The following ZFHX3 variants were observed in gnomAD, a reference collection of about 807,000 sequenced individuals.
The protein encoded by ZFHX3 is zinc finger homeobox 3.
ZFHX3 carries 42 observed loss-of-function variants against 279.1 expected under a neutral mutation model. The ratio of observed to expected loss-of-function variants is 0.15; its 90% CI spans 0.12 to 0.19. The LOEUF (loss-of-function observed/expected upper bound fraction) is 0.19, where lower values mean the gene tolerates loss of function less well. Ranked by LOEUF, ZFHX3 falls within the 10% of genes least tolerant of loss-of-function variation. ZFHX3 has a pLI of 1.00. For missense variants in ZFHX3, 4,981 were observed against 4,754.0 expected, an observed-to-expected ratio of 1.05 and a Z score of -1.40; for synonymous variants, 2,293 against 1,957.8, an observed-to-expected ratio of 1.17 and a Z score of -4.52.
At chr16:73,385,661 G>A (rs542113766) in intron 3 of ZFHX3, among the ~76,000 whole-genome samples, 1 of 152,312 alleles carries the variant, frequency 6.6e-6, no homozygotes, top group East Asian at 1.9e-4. Flanking sequence ...TACAGCAAAT[G>A]CAGGCTTTAT....
intron 1 of ZFHX3, among the ~76,000 whole-genome samples, chr16:73,830,270 C>T (rs532168136): frequency 1.3e-4 from 18 of 143,794 alleles, no homozygotes; most frequent in African/African-American, 2.9e-4. Flanking sequence ...GGCTCGCGCA[C>T]GGTGCGCACA....
At position 73,031,445 on chromosome 16, in the gene ZFHX3, G is replaced by A. The variant is rs536283555; in HGVS notation, c.-50+16307C>T. 1.5e-4 allele frequency among the ~76,000 whole-genome samples: 23 copies of A among 152,298 alleles called. No homozygotes were observed. The South Asian group carries it at 4.4e-3, about 29-fold the overall frequency. ...TTTGGAGCATTCCAGGTATCAGGAG[G>A]CCAAAGGGAAAAGCGATTTTCCTTG... On this transcript the variant is annotated intron_variant, in intron 1 of 9. Coordinates refer to ENST00000268489, the MANE Select transcript of ZFHX3 (RefSeq NM_006885.4).
intron 1 of ZFHX3, among the ~76,000 whole-genome samples, chr16:73,709,912 T>A (rs918208009): frequency 6.6e-6 from 1 of 152,216 alleles, no homozygotes; most frequent in Non-Finnish European, 1.5e-5. Context: ...CCGGGCGTGG[T>A]GGCTCATGCC....
chr16:73,306,187 A>G (rs1319616492), intron 4 of ZFHX3, among the ~76,000 whole-genome samples: 2 of 152,188 alleles, frequency 1.3e-5, no homozygotes, highest in African/African-American at 4.8e-5. Context: ...CTCCAAACCC[A>G]AGAGAACCCA....
intron 3 of ZFHX3, among the ~76,000 whole-genome samples, chr16:72,908,357 G>A (rs1485816595): frequency 6.6e-6 from 1 of 152,248 alleles, no homozygotes; most frequent in Non-Finnish European, 1.5e-5. Context: ...TGAGGCTTGA[G>A]TGAGAAAATC....
intron 4 of ZFHX3, among the ~76,000 whole-genome samples, chr16:73,306,941 C>T (rs2015196448): frequency 6.6e-6 from 1 of 152,186 alleles, no homozygotes; most frequent in African/African-American, 2.4e-5. Context: ...AAATGAAAAC[C>T]TTCACTGATC....
chr16:73,116,245 T>C (rs900021513), intron 7 of ZFHX3, among the ~76,000 whole-genome samples: 1 of 152,070 alleles, frequency 6.6e-6, no homozygotes, highest in Non-Finnish European at 1.5e-5. Context: ...ATCCACGTAC[T>C]CCAGAGCCGG....
chr16:73,169,310 G>A (rs1488445181), intron 5 of ZFHX3, among the ~76,000 whole-genome samples: 1 of 152,174 alleles, frequency 6.6e-6, no homozygotes, highest in Non-Finnish European at 1.5e-5. Context: ...TACATTTCAA[G>A]CAGAGCTAAC....
intron 1 of ZFHX3, among the ~76,000 whole-genome samples, chr16:72,980,507 T>G (rs1438978286): frequency 1.3e-5 from 2 of 151,648 alleles, no homozygotes; most frequent in Admixed American, 6.6e-5. Flanking sequence ...ACCTCAAGTA[T>G]CAGCACTTTG....
At chr16:73,667,599 T>G (rs1293798915) in intron 2 of ZFHX3, among the ~76,000 whole-genome samples, 1 of 152,146 alleles carries the variant, frequency 6.6e-6, no homozygotes, top group Non-Finnish European at 1.5e-5. Context: ...TAAGAATGAG[T>G]TAAAAATGCT....
chr16:73,478,553 T>C (rs1476552001), intron 2 of ZFHX3, among the ~76,000 whole-genome samples: 1 of 152,206 alleles, frequency 6.6e-6, no homozygotes, highest in Non-Finnish European at 1.5e-5. Flanking sequence ...ACCCTATATA[T>C]TAAGAGTCTC....
chr16:73,486,193 G>T (rs2018970744), intron 2 of ZFHX3, among the ~76,000 whole-genome samples: 1 of 152,208 alleles, frequency 6.6e-6, no homozygotes, highest in Admixed American at 6.5e-5. Flanking sequence ...GCTATGACAG[G>T]AAATATCCTC....
chr16:73,333,919 A>G (rs929486923), intron 3 of ZFHX3, among the ~76,000 whole-genome samples: 1 of 151,894 alleles, frequency 6.6e-6, no homozygotes, highest in Non-Finnish European at 1.5e-5. Context: ...CACGCTGAAC[A>G]TCCTGCTGCC....
chr16:73,447,715 A>G (rs377142908), intron 3 of ZFHX3, among the ~76,000 whole-genome samples: 20 of 152,342 alleles, frequency 1.3e-4, no homozygotes, highest in African/African-American at 3.8e-4. Context: ...GAAGGGTCTC[A>G]GGTAAAGCAG....
intron 2 of ZFHX3, chr16:73,483,306 A>C (rs909828247): frequency 4.5e-6 from 2 of 446,418 alleles, no homozygotes; most frequent in Non-Finnish European, 8.9e-6. Flanking sequence ...TCCGAGAGAG[A>C]GCGAGAGACC....
intron 5 of ZFHX3, among the ~76,000 whole-genome samples, chr16:72,823,953 G>GA (rs900016690): frequency 5.3e-5 from 8 of 150,338 alleles, no homozygotes; most frequent in Admixed American, 1.3e-4. Context: ...TTGGAAAAAC[G>GA]AAAAAAAAAG....
intron 1 of ZFHX3, among the ~76,000 whole-genome samples, chr16:72,961,992 G>C (rs576669319): frequency 3.9e-5 from 6 of 152,324 alleles, no homozygotes; most frequent in African/African-American, 1.4e-4. Flanking sequence ...AGACTGCAGG[G>C]CGGCTCTTCT....
upstream of ZFHX3, among the ~76,000 whole-genome samples, chr16:73,050,090 C>A (rs1000932264): frequency 1.3e-5 from 2 of 152,162 alleles, no homozygotes; most frequent in Non-Finnish European, 2.9e-5. Context: ...CTCAGAAAAT[C>A]TAATTTTGCT....
intron 8 of ZFHX3, among the ~76,000 whole-genome samples, chr16:73,083,584 C>T (rs761751083): frequency 2.6e-5 from 4 of 152,082 alleles, no homozygotes; most frequent in African/African-American, 7.2e-5. Flanking sequence ...GGATAGAGTA[C>T]AGTGGTGCAA....
Sources: allele counts gnomAD v4.1 joint callset (sites outside exome capture counted in the v4.1 genomes callset), GRCh38; gene constraint gnomAD v4.1.1; transcripts MANE v1.5; gene names NCBI Gene and HGNC (gene_info 2026-07-23, HGNC 2026-07-21).